The following RARB variants were observed in gnomAD, a reference collection of about 807,000 sequenced individuals.
RARB encodes retinoic acid receptor beta, also known as HBV-activated protein.
Under a neutral mutation model 51.9 loss-of-function variants are expected in RARB, and 17 were observed. The ratio of observed to expected loss-of-function variants is 0.33; its 90% CI spans 0.22 to 0.49. RARB has a LOEUF of 0.49. RARB is among the 20% of genes least tolerant of loss of function. The probability of loss-of-function intolerance (pLI) is 0.99; values close to 1 mark genes in which losing one functional copy is unlikely to be tolerated. For missense variants in RARB, 369 were observed against 550.8 expected, an observed-to-expected ratio of 0.67 and a Z score of 3.30; for synonymous variants, 215 against 195.4, an observed-to-expected ratio of 1.10 and a Z score of -0.84.
intron 1 of RARB, among the ~76,000 whole-genome samples, chr3:25,449,808 A>G (rs1368506240): frequency 3.3e-5 from 5 of 150,496 alleles, no homozygotes; most frequent in Admixed American, 6.6e-5. Context: ...CTAGAGTGCA[A>G]TGGTGCGATC....
intron 2 of RARB, among the ~76,000 whole-genome samples, chr3:25,016,916 G>C (rs9310768): frequency 0.11 from 16,128 of 152,106 alleles, 977 homozygotes; most frequent in African/African-American, 0.15. Context: ...TAACATCTGG[G>C]TTCTGAGGAA....
At chr3:24,998,083 T>C (rs1353953841) in intron 2 of RARB, among the ~76,000 whole-genome samples, 2 of 152,178 alleles carry the variant, frequency 1.3e-5, no homozygotes, top group Non-Finnish European at 2.9e-5. Context: ...GCTAGATGTT[T>C]TACTTGCTTT....
intron 3 of RARB, among the ~76,000 whole-genome samples, chr3:25,061,291 G>A (rs1427461661): frequency 6.6e-6 from 1 of 151,756 alleles, no homozygotes; most frequent in Non-Finnish European, 1.5e-5. Flanking sequence ...TAATAGCAAA[G>A]GTAAACATAT....
chr3:25,014,689 A>G (rs1283342167), intron 2 of RARB, among the ~76,000 whole-genome samples: 1 of 152,108 alleles, frequency 6.6e-6, no homozygotes, highest in Non-Finnish European at 1.5e-5. Context: ...GTGGTGGGAT[A>G]GTTTTCTATC....
rs568066119 is a variant in RARB at position 24,881,637 on chromosome 3, TAA to T, written c.-380+22888_-380+22889del. On this transcript the variant is annotated intron_variant, in intron 2 of 11. Transcript: ENST00000383772. ...AGAATTATAGTGGCATTGATCTTTT[TAA>T]AAGTTACTGGAATCCAGAAGACAAT... 5.5e-4 allele frequency among the ~76,000 whole-genome samples: 84 copies of T among 152,310 alleles called. No individual in the cohort carries two copies. In the South Asian group the frequency reaches 7.9e-3, roughly 14 times the overall value.
chr3:25,165,125 C>T (rs2125348506), intron 4 of RARB, among the ~76,000 whole-genome samples: 1 of 152,124 alleles, frequency 6.6e-6, no homozygotes, highest in South Asian at 2.1e-4. Flanking sequence ...AAATACAAAC[C>T]AGTTTCAATG....
intron 5 of RARB, among the ~76,000 whole-genome samples, chr3:25,350,296 C>G (rs754794324): frequency 6.6e-6 from 1 of 152,152 alleles, no homozygotes; most frequent in Non-Finnish European, 1.5e-5. Flanking sequence ...TTTTCCACTC[C>G]CTACTGTTTC....
intron 5 of RARB, among the ~76,000 whole-genome samples, chr3:25,355,920 A>G (rs1394379074): frequency 6.6e-6 from 1 of 152,098 alleles, no homozygotes; most frequent in Non-Finnish European, 1.5e-5. Context: ...CTTAGCTGTC[A>G]CTAATTAGAA....
intron 2 of RARB, chr3:25,020,188 G>C (rs1428081816): frequency 6.6e-6 from 1 of 151,190 alleles, no homozygotes; most frequent in Non-Finnish European, 1.5e-5. Flanking sequence ...TCACCAGGTT[G>C]CTCAGGCTGG....
At chr3:25,437,382 C>T (rs1708480201) in intron 1 of RARB, among the ~76,000 whole-genome samples, 1 of 152,098 alleles carries the variant, frequency 6.6e-6, no homozygotes. Flanking sequence ...TTTTATTGCT[C>T]ATTGATGGAT....
chr3:25,187,535 T>C (rs1004136204), intron 5 of RARB, among the ~76,000 whole-genome samples: 11 of 152,256 alleles, frequency 7.2e-5, no homozygotes, highest in Admixed American at 2.6e-4. Context: ...ATATCCTTCA[T>C]GTGTTAGAGA....
chr3:25,132,552 C>A lies in RARB; in HGVS notation c.-280+344C>A, dbSNP rs558269682. Among the ~76,000 whole-genome samples the A allele has an allele frequency of 5.9e-5, 9 of 151,884 alleles. 1 individual carries two copies. Among genetic ancestry groups the A allele is most frequent in the African/African-American group, 2.2e-4 (9 of 41,480 alleles). ...GTTCCCTGTATTATTGCAATTGATT[C>A]TCTCAAAAAACGTTATGCTTGGCAC... is the stretch of plus-strand genomic sequence containing the variant. On this transcript the variant is annotated intron_variant, in intron 4 of 11. Transcript: ENST00000383772.
intron 5 of RARB, among the ~76,000 whole-genome samples, chr3:25,352,898 A>C (rs1705619568): frequency 6.6e-6 from 1 of 152,184 alleles, no homozygotes; most frequent in Non-Finnish European, 1.5e-5. Context: ...CTGTCCTTGG[A>C]CATTCACTTC....
chr3:24,855,709 G>T (rs994633315), intron 1 of RARB, among the ~76,000 whole-genome samples: 2 of 150,838 alleles, frequency 1.3e-5, no homozygotes, highest in African/African-American at 4.9e-5. Flanking sequence ...GCAGATTTTC[G>T]GTCTCAGCCT....
At chr3:24,894,565 G>A (rs1269646634) in intron 2 of RARB, among the ~76,000 whole-genome samples, 4 of 151,960 alleles carry the variant, frequency 2.6e-5, no homozygotes, top group South Asian at 2.1e-4. Flanking sequence ...GAACAGTGTT[G>A]CAACAAACAT....
intron 5 of RARB, among the ~76,000 whole-genome samples, chr3:25,337,322 A>T (rs1005050980): frequency 6.6e-6 from 1 of 152,198 alleles, no homozygotes; most frequent in East Asian, 1.9e-4. Flanking sequence ...ATGATTCTCC[A>T]ATTCAGAATC....
chr3:25,431,771 C>G (rs957751802), intron 1 of RARB, among the ~76,000 whole-genome samples: 6 of 151,960 alleles, frequency 3.9e-5, no homozygotes, highest in Admixed American at 2.6e-4. Flanking sequence ...TAGGACTTTG[C>G]CCATTAATGA....
intron 5 of RARB, among the ~76,000 whole-genome samples, chr3:25,269,898 A>G (rs1020825533): frequency 9.8e-5 from 15 of 152,332 alleles, no homozygotes; most frequent in Non-Finnish European, 1.8e-4. Flanking sequence ...CATTAAGCAT[A>G]CGAAAAGATG....
intron 5 of RARB, among the ~76,000 whole-genome samples, chr3:25,175,350 A>G (rs1272811813): frequency 2.6e-5 from 4 of 152,232 alleles, no homozygotes; most frequent in Non-Finnish European, 5.9e-5. Flanking sequence ...TTTATTTAAC[A>G]ACAGGCATCC....
Sources: allele counts gnomAD v4.1 joint callset (sites outside exome capture counted in the v4.1 genomes callset), GRCh38; gene constraint gnomAD v4.1.1; transcripts MANE v1.5; gene names NCBI Gene and HGNC (gene_info 2026-07-23, HGNC 2026-07-21).